Variants in ITPA observed in about 807,000 individuals in gnomAD.
The protein encoded by ITPA is inosine triphosphate pyrophosphatase.
Under a neutral mutation model 29.6 loss-of-function variants are expected in ITPA, and 29 were observed. That is an observed-to-expected ratio of 0.98 (90% CI 0.73 to 1.34). The LOEUF is 1.34. Among genes scored for constraint, ITPA ranks in the 40% most tolerant of loss-of-function variants. The pLI is 0.00. For missense variants in ITPA, 241 were observed against 251.5 expected, an observed-to-expected ratio of 0.96 and a Z score of 0.28; for synonymous variants, 103 against 99.3, an observed-to-expected ratio of 1.04 and a Z score of -0.22.
intron 5 of ITPA, among the ~76,000 whole-genome samples, chr20:3,216,362 G>A (rs946260509): frequency 2.4e-4 from 36 of 150,238 alleles, no homozygotes; most frequent in African/African-American, 8.6e-4. Context: ...ATTTCACCAT[G>A]TAGGCCAGGA....
At chr20:3,216,458 T>A (rs1274300795) in intron 5 of ITPA, among the ~76,000 whole-genome samples, 1 of 87,178 alleles carries the variant, frequency 1.1e-5, no homozygotes, top group Admixed American at 1.0e-4. Flanking sequence ...ATGCCTGGCC[T>A]TTTTTTTTTT....
upstream of ITPA, among the ~76,000 whole-genome samples, chr20:3,207,664 A>G (rs1464032002): frequency 6.6e-6 from 1 of 151,736 alleles, no homozygotes; most frequent in Non-Finnish European, 1.5e-5. Flanking sequence ...ACTGCACTCA[A>G]GCCTGGGCGA....
intron 1 of ITPA, among the ~76,000 whole-genome samples, chr20:3,210,645 G>A (rs1398099207): frequency 3.9e-5 from 6 of 152,164 alleles, no homozygotes; most frequent in Non-Finnish European, 8.8e-5. Context: ...CCGAAAAAAG[G>A]TTTGGGATCC....
rs184477056 is a variant in ITPA at position 3,218,075 on chromosome 20, G to A, written c.296-442G>A. On this transcript the variant is annotated intron_variant, in intron 5 of 7. Transcript: ENST00000380113. ...TGGAGCTACAGGCATCAGCCACCAC[G>A]CCCGGCTAATTTTTTTGTATTTTTA... 1.1e-4 allele frequency among the ~76,000 whole-genome samples: 16 copies of A among 152,062 alleles called. No individual in the cohort carries two copies. The East Asian group carries it at 3.1e-3, about 30-fold the overall frequency.
rs150370229 is a variant in ITPA at position 3,209,556 on chromosome 20, C to T, written c.5C>T (p.Ala2Val). The T allele has an allele frequency of 2.5e-6, 4 of 1,613,782 alleles. No individual in the cohort carries two copies. The African/African-American group carries it at 4.0e-5, about 16-fold the overall frequency. ...GCTGGGTAACCGGGGATCACCATGG[C>T]GGCCTCATTGGTGGGGAAGAAGATC... M[A>V]ASLVGKKIVF... Residue 2 changes from alanine to valine, a missense_variant, in exon 1 of 8, where the codon GCG (alanine) becomes GTG (valine). By Grantham distance (64) the Ala-to-Val change is moderately conservative. Transcript: ENST00000380113. The surrounding 1 kb of genome is among the most constrained non-coding windows in gnomAD (Gnocchi z 4.6).
intron 5 of ITPA, among the ~76,000 whole-genome samples, chr20:3,216,702 G>A (rs1291447068): frequency 6.6e-6 from 1 of 150,840 alleles, no homozygotes; most frequent in Non-Finnish European, 1.5e-5. Flanking sequence ...TCCACCCATC[G>A]CAGCCTCCCA....
chr20:3,209,410 T>C (rs2067118660), upstream of ITPA: 6 of 802,662 alleles, frequency 7.5e-6, no homozygotes, highest in Non-Finnish European at 1.3e-5. This position sits in a 1 kb window ranked among gnomAD's most constrained non-coding sequence, Gnocchi z 4.6. Context: ...ACTCGCCCGA[T>C]ACGCGCCTTG....
Position 3,223,369 on chromosome 20 carries a change from C to T in ITPA, c.492C>T (p.Tyr164=), listed in dbSNP as rs751753003. The change falls in exon 8 of 8, where the codon TAC becomes TAT. Residue 164 remains tyrosine (Y), a synonymous_variant. Transcript: ENST00000380113. Reference sequence around the variant, plus strand: ...AGCTGCTACTGTCACCCCTCAGGTACGCAGAGATGCCTAAGGCGGAGAAGA... The same window carrying T: ...AGCTGCTACTGTCACCCCTCAGGTATGCAGAGATGCCTAAGGCGGAGAAGA... ...CFQPDGYEQT[Y]AEMPKAEKNA... 22 of 1,612,564 alleles carry T rather than the reference C, an allele frequency of 1.4e-5. No individual in the cohort carries two copies. In the East Asian group the frequency reaches 2.2e-4, roughly 16 times the overall value.
upstream of ITPA, chr20:3,204,417 C>CGCGCATGCGTCCCGCCCGCCCAGGT: frequency 1.0e-6 from 1 of 1,000,778 alleles, no homozygotes; most frequent in Non-Finnish European, 1.5e-6. Context: ...AGCGCACGGA[C>CGCGCATGCGTCCCGCCCGCCCAGGT]GCGCATGCGT....
In ITPA at chr20:3,223,315, GC is replaced by G. The variant is rs753650192; in HGVS notation, c.489-50del. On this transcript the variant is annotated intron_variant, in intron 7 of 7. Transcript: ENST00000380113. ...AGATGAGGTAGGGTTGGGAGGGGGT[GC>G]ACTTCCTTCCTGAATCTGGGCTCCC... The G allele has an allele frequency of 3.0e-6, 4 of 1,349,182 alleles. No homozygotes were observed. The South Asian group carries it at 4.8e-5, about 16-fold the overall frequency. The allele number at this position is 1,349,182 out of a possible 1,614,324, so 83.6% of individuals were successfully genotyped here.
At position 3,209,768 on chromosome 20, in the gene ITPA, A is replaced by G; in HGVS notation, c.66+151A>G. The G allele has an allele frequency of 1.4e-6, 1 of 695,736 alleles. No homozygotes were observed. Among genetic ancestry groups the G allele is most frequent in the South Asian group, 1.9e-5 (1 of 52,918 alleles). The allele number at this position is 695,736 out of a possible 1,614,324, so 43.1% of individuals were successfully genotyped here. A position where few individuals can be genotyped will look rare whatever the true frequency, so the allele number is the denominator to read the frequency against. ...GGGTCCTGACCCGGCTGTGTGGAAA[A>G]GCTGGGGCGCAAGAAGGGAGTGGCT... is the stretch of plus-strand genomic sequence containing the variant. On this transcript the variant is annotated intron_variant, in intron 1 of 7. Transcript: ENST00000380113. The surrounding 1 kb of genome is among the most constrained non-coding windows in gnomAD (Gnocchi z 4.6).
At chr20:3,220,589 C>A (rs1445244803) in intron 6 of ITPA, among the ~76,000 whole-genome samples, 1 of 151,948 alleles carries the variant, frequency 6.6e-6, no homozygotes, top group Non-Finnish European at 1.5e-5. Flanking sequence ...TGCTTTGTCA[C>A]CCAGGCTGGA....
In ITPA at chr20:3,223,386, C is replaced by T. The variant is rs551976639; in HGVS notation, c.509C>T (p.Ala170Val). The change falls in exon 8 of 8, where the codon GCG (alanine) becomes GTG (valine). Residue 170 changes from alanine (A) to valine (V), a missense_variant. By Grantham distance (64) the Ala-to-Val change is moderately conservative. Transcript: ENST00000380113. The part of the protein sequence containing the change: ...YEQTYAEMPK[A>V]EKNAVSHRFR... ...CTCAGGTACGCAGAGATGCCTAAGGCGGAGAAGAACGCTGTCTCCCATCGC... is the reference window on the plus strand; with the variant it reads ...CTCAGGTACGCAGAGATGCCTAAGGTGGAGAAGAACGCTGTCTCCCATCGC... The T allele has an allele frequency of 2.4e-5, 38 of 1,613,762 alleles. No homozygotes were observed. Among genetic ancestry groups the T allele is most frequent in the South Asian group, 9.9e-5 (9 of 90,992 alleles).
At chr20:3,210,176 G>A (rs2067140033) in intron 1 of ITPA, among the ~76,000 whole-genome samples, 2 of 152,214 alleles carry the variant, frequency 1.3e-5, no homozygotes, top group Admixed American at 1.3e-4. Context: ...TAAAGTTTCT[G>A]TTTGCAGGGA....
intron 5 of ITPA, among the ~76,000 whole-genome samples, chr20:3,215,677 C>T (rs1469775626): frequency 2.0e-5 from 3 of 152,148 alleles, no homozygotes; most frequent in Non-Finnish European, 2.9e-5. Context: ...CCAAAATGTC[C>T]CCTCTTTATG....
At chr20:3,226,794 C>A (rs995396589), downstream of ITPA, among the ~76,000 whole-genome samples, 1 of 152,282 alleles carries the variant, frequency 6.6e-6, no homozygotes, top group South Asian at 2.1e-4. The surrounding 1 kb of genome is among the most constrained non-coding windows in gnomAD (Gnocchi z 4.4). Context: ...ACTGATGCTG[C>A]GCACCCGGCA....
At chr20:3,223,309 G>C (rs1392244866) in intron 7 of ITPA, 57 bp from the exon 8 acceptor site, 3 of 1,291,526 alleles carry the variant, frequency 2.3e-6, no homozygotes, top group Non-Finnish European at 3.3e-6. Context: ...AGGGTTGGGA[G>C]GGGGTGCACT....
chr20:3,213,167 A>G lies in ITPA; in HGVS notation c.67-2A>G. 1.2e-6 allele frequency: 2 copies of G among 1,613,658 alleles called. No homozygotes were observed. The highest frequency in any genetic ancestry group is 1.1e-5 in the South Asian group (1 of 91,072). On this transcript the variant is annotated splice_acceptor_variant, in intron 1 of 7. Coordinates refer to ENST00000380113, the MANE Select transcript of ITPA (RefSeq NM_033453.4). LOFTEE classifies it high-confidence loss of function. ...TAAGTGTTCTCTTTTCTCTTGGAAC[A>G]GGTCGTTCAGATTCTAGGAGATAAG...
chr20:3,220,300 C>T (rs192778942), intron 6 of ITPA, among the ~76,000 whole-genome samples: 30 of 152,058 alleles, frequency 2.0e-4, no homozygotes, highest in African/African-American at 5.8e-4. Flanking sequence ...TTAAGTGATC[C>T]GCTGGCCTCA....
Sources: allele counts gnomAD v4.1 joint callset (sites outside exome capture counted in the v4.1 genomes callset), GRCh38; gene constraint gnomAD v4.1.1; non-coding constraint Gnocchi (gnomAD v3.1); transcripts MANE v1.5; gene names NCBI Gene and HGNC (gene_info 2026-07-23, HGNC 2026-07-21).